The following ATL1 variants were observed in gnomAD, a reference collection of about 807,000 sequenced individuals.
ATL1 encodes the protein atlastin GTPase 1.
In ATL1, 31 loss-of-function variants were observed where a neutral mutation model predicts 75.5. The observed-to-expected ratio is 0.41, with a 90% confidence interval of 0.31 to 0.55. The LOEUF (loss-of-function observed/expected upper bound fraction) is 0.55, where lower values mean the gene tolerates loss of function less well. Among genes scored for constraint, ATL1 ranks in the 20% least tolerant of loss-of-function variants. ATL1 has a pLI of 0.27. For missense variants in ATL1, 405 were observed against 662.6 expected, an observed-to-expected ratio of 0.61 and a Z score of 4.27; for synonymous variants, 226 against 233.3, an observed-to-expected ratio of 0.97 and a Z score of 0.28.
rs1494179 is a variant in ATL1, at chr14:50,604,419, C to T, written c.630+8787C>T. Among the ~76,000 whole-genome samples the T allele has an allele frequency of 6.1e-3, 932 of 152,128 alleles. 14 individuals are homozygous for T. Among genetic ancestry groups the T allele is most frequent in the African/African-American group, 0.022 (897 of 41,506 alleles). ...TTGTCATTTACTTTTTGAAGTCTAG[C>T]GCACCTACCATGCTGTTCATAAAGC... On this transcript the variant is annotated intron_variant, in intron 6 of 13. Coordinates refer to ENST00000358385, the MANE Select transcript of ATL1 (RefSeq NM_015915.5).
chr14:50,628,153 C>A lies in ATL1; in HGVS notation c.1242C>A (p.Ser414Arg). The A allele has an allele frequency of 6.2e-7, 1 of 1,614,148 alleles. No individual in the cohort carries two copies. The change falls in exon 12 of 14, where the codon AGC becomes AGA. Residue 414 changes from serine (S) to arginine (R), a missense_variant. Around this residue, in one of 5 missense-constraint regions of ATL1, gnomAD observed 163 missense variants for 244.1 expected, o/e 0.67. Coordinates refer to ENST00000358385, the MANE Select transcript of ATL1 (RefSeq NM_015915.5). ...AGAAGATGGGTGGGGAAGAATTTAG[C>A]CGGCGTTACCTGCAGCAGTTGGAGA... ...GVKKMGGEEF[S>R]RRYLQQLESE...
chr14:50,620,917 C>T (rs1005530360), intron 9 of ATL1, among the ~76,000 whole-genome samples, 191 bp downstream of exon 9: 1 of 152,080 alleles, frequency 6.6e-6, no homozygotes, highest in Non-Finnish European at 1.5e-5. Flanking sequence ...TGAAATTATT[C>T]TTTTGAGGAA....
At chr14:50,612,061 G>T (rs190622494) in intron 6 of ATL1, among the ~76,000 whole-genome samples, 1 of 152,124 alleles carries the variant, frequency 6.6e-6, no homozygotes, top group African/African-American at 2.4e-5. Flanking sequence ...GGGAAATTGC[G>T]CAGTAATGAC....
chr14:50,556,464 C>T (rs1446748352), upstream of ATL1, among the ~76,000 whole-genome samples: 2 of 152,144 alleles, frequency 1.3e-5, no homozygotes, highest in Non-Finnish European at 2.9e-5. Flanking sequence ...GTGATCCTCC[C>T]ACCTCAGCTT....
At chr14:50,533,557 G>A (rs2038450830) in intron 1 of ATL1, among the ~76,000 whole-genome samples, 1 of 152,156 alleles carries the variant, frequency 6.6e-6, no homozygotes, top group Non-Finnish European at 1.5e-5. Flanking sequence ...GTCTTGCTCT[G>A]AAGGTAGAAA....
chr14:50,624,568 G>T (rs775946181), intron 11 of ATL1, among the ~76,000 whole-genome samples: 1 of 151,898 alleles, frequency 6.6e-6, no homozygotes, highest in Non-Finnish European at 1.5e-5. Context: ...CAACAATATT[G>T]AAAATAGGCC....
intron 4 of ATL1, among the ~76,000 whole-genome samples, chr14:50,593,266 T>C (rs2039180729): frequency 6.6e-6 from 1 of 152,122 alleles, no homozygotes; most frequent in African/African-American, 2.4e-5. Context: ...TAAATAAGTA[T>C]ACAGAGCATT....
intron 1 of ATL1, among the ~76,000 whole-genome samples, chr14:50,543,805 T>C (rs566869824): frequency 6.6e-6 from 1 of 152,344 alleles, no homozygotes; most frequent in South Asian, 2.1e-4. Flanking sequence ...GAAAGTTTTT[T>C]TCTCTACAAC....
chr14:50,628,016 CTCTA>C lies in ATL1; in HGVS notation c.1120-11_1120-8del, dbSNP rs779780031. ...CTCTGCATTGCATAAACAAATACTT[CTCTA>C]TCTGATACAGATTTGTGGTGGTGAC... On this transcript the variant is annotated splice_polypyrimidine_tract_variant and intron_variant, in intron 11 of 13. Coordinates refer to ENST00000358385, the MANE Select transcript of ATL1 (RefSeq NM_015915.5). The C allele has an allele frequency of 1.9e-5, 30 of 1,613,846 alleles. No homozygotes were observed. Among genetic ancestry groups the C allele is most frequent in the Middle Eastern group, 1.6e-4 (1 of 6,084 alleles).
intron 8 of ATL1, among the ~76,000 whole-genome samples, chr14:50,616,591 AC>A (rs1434451744): frequency 1.3e-5 from 2 of 152,008 alleles, no homozygotes; most frequent in African/African-American, 4.8e-5. Context: ...GAGCCACCAT[AC>A]TTGGCCAGAA....
Position 50,606,029 on chromosome 14 carries a change from A to G in ATL1, c.631-7230A>G, listed in dbSNP as rs558048099. On this transcript the variant is annotated intron_variant, in intron 6 of 13. Transcript: ENST00000358385. ...AGTAGCTTGTTTAGAAGGTCAGGGG[A>G]AGGAGCAGAAGGAATTGAAGGGATG... Among the ~76,000 whole-genome samples the G allele has an allele frequency of 3.9e-5, 6 of 152,120 alleles. No individual in the cohort carries two copies. In the South Asian group the frequency reaches 1.2e-3, roughly 31 times the overall value.
At chr14:50,622,463 C>T (rs917915174) in intron 10 of ATL1, among the ~76,000 whole-genome samples, 28 of 151,826 alleles carry the variant, frequency 1.8e-4, no homozygotes, top group African/African-American at 5.1e-4. Flanking sequence ...GTCAAGAGAT[C>T]GAGACCAGCC....
chr14:50,567,276 A>G (rs1237055128), intron 1 of ATL1, among the ~76,000 whole-genome samples: 3 of 151,962 alleles, frequency 2.0e-5, no homozygotes, highest in Non-Finnish European at 4.4e-5. Context: ...TTTCATCCAT[A>G]TTGTAGAATA....
intron 8 of ATL1, among the ~76,000 whole-genome samples, chr14:50,618,624 C>G (rs908701164): frequency 6.6e-6 from 1 of 151,922 alleles, no homozygotes; most frequent in African/African-American, 2.4e-5. Context: ...TCAATGTAGC[C>G]CCAATGTTAT....
intron 1 of ATL1, among the ~76,000 whole-genome samples, chr14:50,537,449 C>T (rs989318300): frequency 6.6e-6 from 1 of 152,204 alleles, no homozygotes; most frequent in African/African-American, 2.4e-5. Context: ...AGCCCCCAGA[C>T]AGAGTTCCTA....
At chr14:50,591,684 T>C in intron 4 of ATL1, 45 bp downstream of exon 4, 1 of 1,308,680 alleles carries the variant, frequency 7.6e-7, no homozygotes, top group East Asian at 2.3e-5. Flanking sequence ...AACTAAAAAT[T>C]ATGAGTATAT....
chr14:50,577,952 T>C (rs1321020498), intron 1 of ATL1, among the ~76,000 whole-genome samples: 1 of 152,172 alleles, frequency 6.6e-6, no homozygotes, highest in Non-Finnish European at 1.5e-5. Context: ...TATATGTAAA[T>C]GTTGATTACC....
At chr14:50,560,664 G>A (rs567109741) in intron 1 of ATL1, among the ~76,000 whole-genome samples, 1 of 152,244 alleles carries the variant, frequency 6.6e-6, no homozygotes, top group Non-Finnish European at 1.5e-5. Flanking sequence ...TGGGCAGGGG[G>A]CTGTTGTTAC....
chr14:50,619,635 G>T (rs1206138422), intron 8 of ATL1, among the ~76,000 whole-genome samples: 1 of 152,198 alleles, frequency 6.6e-6, no homozygotes, highest in Non-Finnish European at 1.5e-5. Flanking sequence ...GCTACAGCTT[G>T]GGTTATGTGT....
Sources: gnomAD v4.1 joint callset for allele counts (sites outside exome capture counted in the v4.1 genomes callset) on GRCh38, gnomAD v4.1.1 for gene constraint, gnomAD v4.1.1 regional missense constraint, MANE v1.5 for transcripts, NCBI Gene and HGNC (gene_info 2026-07-23, HGNC 2026-07-21) for gene names.